Variants in IL1RAPL2 observed in about 807,000 individuals in gnomAD.
The protein encoded by IL1RAPL2 is X-linked interleukin-1 receptor accessory protein-like 2.
In IL1RAPL2, 3 loss-of-function variants were observed where a neutral mutation model predicts 44.1. The observed-to-expected ratio is 0.07, with a 90% confidence interval of 0.03 to 0.18. IL1RAPL2 has a LOEUF of 0.18. Ranked by LOEUF, IL1RAPL2 falls within the 10% of genes least tolerant of loss-of-function variation. The pLI is 1.00. For missense variants in IL1RAPL2, 391 were observed against 496.4 expected (o/e 0.79, Z 2.02); for synonymous variants, 181 against 178.8 (o/e 1.01, Z -0.10).
At chrX:105,617,020 A>G (rs375632507) in intron 6 of IL1RAPL2, among the ~76,000 whole-genome samples, 3 of 110,290 alleles carry the variant, frequency 2.7e-5, no homozygotes, top group East Asian at 5.8e-4. Flanking sequence ...AAATGGGGAT[A>G]ATTTTATTAC....
At chrX:104,749,144 G>T (rs181931983) in intron 2 of IL1RAPL2, among the ~76,000 whole-genome samples, 69 of 111,367 alleles carry the variant, frequency 6.2e-4, no homozygotes, top group African/African-American at 2.1e-3. Flanking sequence ...CCAATGTTAG[G>T]ATTCCAGGAG....
At chrX:105,753,791 T>C (rs2038614983) in intron 9 of IL1RAPL2, among the ~76,000 whole-genome samples, 1 of 111,602 alleles carries the variant, frequency 9.0e-6, no homozygotes, top group South Asian at 3.8e-4. Context: ...TGCTAAAGAG[T>C]ATTAACCCTT....
chrX:105,605,501 TACTGTTAAAA>T (rs1250620493), intron 6 of IL1RAPL2, among the ~76,000 whole-genome samples: 1 of 111,616 alleles, frequency 9.0e-6, no homozygotes, highest in African/African-American at 3.2e-5. Flanking sequence ...GAAGAATCAA[TACTGTTAAAA>T]TAATGTACTA....
In IL1RAPL2 at chrX:104,622,718, G is replaced by A. The variant is rs1215533316; in HGVS notation, c.-19-36177G>A. 8.1e-5 allele frequency among the ~76,000 whole-genome samples: 9 copies of A among 110,978 alleles called. No homozygotes were observed. The Admixed American group carries it at 8.7e-4, about 11-fold the overall frequency. On this transcript the variant is annotated intron_variant, in intron 1 of 10. Coordinates refer to ENST00000372582, the MANE Select transcript of IL1RAPL2 (RefSeq NM_017416.2). ...TCATTGGCTTACACAGGATATAACT[G>A]CAATTTTGACCTCAGTGCTATGCTC...
At chrX:104,719,582 T>C in intron 2 of IL1RAPL2, among the ~76,000 whole-genome samples, 1 of 111,654 alleles carries the variant, frequency 9.0e-6, no homozygotes, top group Middle Eastern at 4.7e-3. Context: ...AATCTGGGTA[T>C]TGGGTGCATT....
chrX:105,717,644 G>T, intron 7 of IL1RAPL2, 148 bp downstream of exon 7: 1 of 447,431 alleles, frequency 2.2e-6, no homozygotes, highest in African/African-American at 2.5e-5. Flanking sequence ...CAATGTGTAA[G>T]CTTCTAACAT....
At chrX:104,919,694 C>CCTT (rs1569342919) in intron 2 of IL1RAPL2, among the ~76,000 whole-genome samples, 1 of 92,141 alleles carries the variant, frequency 1.1e-5, no homozygotes, top group African/African-American at 4.0e-5. Flanking sequence ...ACCACACCCA[C>CCTT]TTTTTTTTTT....
chrX:105,413,964 T>C (rs777941141), intron 5 of IL1RAPL2, among the ~76,000 whole-genome samples: 78 of 112,285 alleles, frequency 6.9e-4, no homozygotes, highest in African/African-American at 2.5e-3. Flanking sequence ...AAAGTGATAA[T>C]ATTTGGGCTA....
At chrX:105,595,755 A>G (rs866122060) in intron 6 of IL1RAPL2, among the ~76,000 whole-genome samples, 20 of 111,130 alleles carry the variant, frequency 1.8e-4, no homozygotes, top group Admixed American at 3.9e-4. Flanking sequence ...AATTCTTTGA[A>G]TGCTTGATAA....
chrX:104,669,721 T>C (rs1405836016), intron 2 of IL1RAPL2, among the ~76,000 whole-genome samples: 1 of 111,856 alleles, frequency 8.9e-6, no homozygotes, highest in Non-Finnish European at 1.9e-5. Context: ...CCCTGACCTA[T>C]TGAGGTTTCT....
At chrX:105,528,767 T>A (rs1220311576) in intron 6 of IL1RAPL2, among the ~76,000 whole-genome samples, 1 of 111,382 alleles carries the variant, frequency 9.0e-6, no homozygotes, top group Non-Finnish European at 1.9e-5. Flanking sequence ...ATAACTATCA[T>A]GTTCAAAAAG....
At chrX:104,674,362 G>C (rs1261312736) in intron 2 of IL1RAPL2, among the ~76,000 whole-genome samples, 8 of 111,881 alleles carry the variant, frequency 7.2e-5, no homozygotes, top group African/African-American at 2.6e-4. Context: ...ATAATCATGT[G>C]GTTTTTGTCT....
intron 2 of IL1RAPL2, among the ~76,000 whole-genome samples, chrX:104,864,861 TG>T (rs1922577154): frequency 1.8e-5 from 1 of 55,078 alleles, no homozygotes; most frequent in Non-Finnish European, 3.3e-5. Flanking sequence ...ACACTGGCTC[TG>T]AGCTGACATT....
intron 2 of IL1RAPL2, among the ~76,000 whole-genome samples, chrX:105,010,589 G>T (rs2031032147): frequency 9.0e-6 from 1 of 111,502 alleles, no homozygotes; most frequent in Non-Finnish European, 1.9e-5. Flanking sequence ...TAAGCAAAAT[G>T]CATTTGTGCA....
chrX:104,717,710 A>G (rs1931597508), intron 2 of IL1RAPL2, among the ~76,000 whole-genome samples: 1 of 109,228 alleles, frequency 9.2e-6, no homozygotes, highest in African/African-American at 3.3e-5. Context: ...TGCTGCACCC[A>G]TTAACTCGTC....
intron 2 of IL1RAPL2, among the ~76,000 whole-genome samples, chrX:104,857,338 C>G (rs1437317289): frequency 9.0e-6 from 1 of 111,619 alleles, no homozygotes; most frequent in Non-Finnish European, 1.9e-5. Flanking sequence ...ATTTATTTGT[C>G]CTTTCTTAAT....
intron 2 of IL1RAPL2, among the ~76,000 whole-genome samples, chrX:105,157,601 G>A (rs2033280391): frequency 8.9e-6 from 1 of 112,195 alleles, no homozygotes; most frequent in African/African-American, 3.2e-5. Context: ...GCCAGTGGAG[G>A]TGGGAGGTTG....
chrX:105,152,136 A>G (rs2033233037), intron 2 of IL1RAPL2, among the ~76,000 whole-genome samples: 1 of 111,328 alleles, frequency 9.0e-6, no homozygotes, highest in Admixed American at 9.6e-5. Context: ...CTGTACCCCA[A>G]TAACCTATGG....
Position 105,458,236 on chromosome X carries a change from G to T in IL1RAPL2, c.698-26077G>T, listed in dbSNP as rs187994540. On this transcript the variant is annotated intron_variant, in intron 5 of 10. Coordinates refer to ENST00000372582, the MANE Select transcript of IL1RAPL2 (RefSeq NM_017416.2). ...TATATCTGGATATTACCATTACCAG[G>T]TTTGCAAATATTTTCTCCCATTCTC... Among the ~76,000 whole-genome samples, 144 of 111,151 alleles carry T rather than the reference G, an allele frequency of 1.3e-3. 1 individual carries two copies. Among genetic ancestry groups the T allele is most frequent in the African/African-American group, 4.2e-3 (129 of 30,695 alleles).
Sources: allele counts gnomAD v4.1 joint callset (sites outside exome capture counted in the v4.1 genomes callset), GRCh38; gene constraint gnomAD v4.1.1; transcripts MANE v1.5; gene names NCBI Gene and HGNC (gene_info 2026-07-23, HGNC 2026-07-21).